The following TANGO2 variants were observed in gnomAD, a reference collection of about 807,000 sequenced individuals.
The protein encoded by TANGO2 is transport and golgi organization 2 homolog.
A neutral mutation model predicts 39.1 loss-of-function variants in TANGO2; 26 were observed. That is an observed-to-expected ratio of 0.67 (90% confidence interval 0.49 to 0.92). The LOEUF (loss-of-function observed/expected upper bound fraction) is 0.92, where lower values mean the gene tolerates loss of function less well. Among genes scored for constraint, TANGO2 ranks in the 40% least tolerant of loss-of-function variants. The pLI is 0.00. For synonymous variants in TANGO2, 131 were observed against 144.5 expected, an observed-to-expected ratio of 0.91 and a Z score of 0.67; for missense variants, 326 against 360.1, an observed-to-expected ratio of 0.91 and a Z score of 0.77.
intron 1 of TANGO2, among the ~76,000 whole-genome samples, chr22:20,029,234 G>A (rs1375252899): frequency 6.6e-6 from 1 of 152,222 alleles, no homozygotes; most frequent in Non-Finnish European, 1.5e-5. Flanking sequence ...GAAGCCAGGG[G>A]AGGAGCCCTA....
chr22:20,030,088 G>A (rs893466260), intron 1 of TANGO2, among the ~76,000 whole-genome samples: 1 of 151,098 alleles, frequency 6.6e-6, no homozygotes, highest in African/African-American at 2.4e-5. Flanking sequence ...ACACTCCAGC[G>A]CATTTCCTTC....
chr22:20,061,943 G>A (rs1278515137), intron 7 of TANGO2: 7 of 473,802 alleles, frequency 1.5e-5, no homozygotes, highest in East Asian at 3.7e-5. Context: ...CCAGAGGCTT[G>A]ATGCAGCCAC....
intron 1 of TANGO2, among the ~76,000 whole-genome samples, chr22:20,033,587 G>A (rs1404173349): frequency 6.6e-6 from 1 of 152,186 alleles, no homozygotes; most frequent in East Asian, 1.9e-4. Context: ...GCAGGCCTTG[G>A]GCAGCCCTGG....
At chr22:20,047,244 T>TTTTTTG (rs2045410562) in intron 3 of TANGO2, among the ~76,000 whole-genome samples, 1 of 150,952 alleles carries the variant, frequency 6.6e-6, no homozygotes. Context: ...TTTTTTTTTT[T>TTTTTTG]TTTTTTGAGA....
At chr22:20,053,658 A>G (rs991787254) in intron 5 of TANGO2, 107 bp downstream of exon 5, 15 of 755,916 alleles carry the variant, frequency 2.0e-5, no homozygotes, top group Non-Finnish European at 3.1e-5. Context: ...CAGCCTCTCC[A>G]GGGACGTTGC....
intron 8 of TANGO2, 131 bp from the exon 9 acceptor site, chr22:20,064,411 G>C: frequency 1.7e-6 from 2 of 1,154,864 alleles, no homozygotes; most frequent in Non-Finnish European, 2.5e-6. Flanking sequence ...GCTGCTCTCT[G>C]TGACTTGGCA....
At chr22:20,054,050 G>A (rs1434376954) in intron 5 of TANGO2, 20 of 293,062 alleles carry the variant, frequency 6.8e-5, no homozygotes, top group Non-Finnish European at 8.7e-5. Context: ...CTGTTAGTCC[G>A]GGGCCTTCTG....
chr22:20,024,541 C>A (rs186666055), intron 1 of TANGO2, among the ~76,000 whole-genome samples: 1 of 152,202 alleles, frequency 6.6e-6, no homozygotes, highest in Admixed American at 6.5e-5. Flanking sequence ...ATTGGGCGCC[C>A]GGCTGCTCAG....
At chr22:20,018,190 C>T (rs995595300), upstream of TANGO2, among the ~76,000 whole-genome samples, 2 of 152,258 alleles carry the variant, frequency 1.3e-5, no homozygotes, top group Non-Finnish European at 2.9e-5. Context: ...AGCTGCCTTT[C>T]AGAGCCAGGC....
chr22:20,037,485 C>G (rs1430075367), intron 2 of TANGO2, among the ~76,000 whole-genome samples: 1 of 152,156 alleles, frequency 6.6e-6, no homozygotes, highest in Admixed American at 6.5e-5. Flanking sequence ...AATGCAACTG[C>G]TCGGGAAGTT....
At chr22:20,049,237 G>A (rs1318970157) in intron 3 of TANGO2, among the ~76,000 whole-genome samples, 4 of 152,096 alleles carry the variant, frequency 2.6e-5, no homozygotes, top group Non-Finnish European at 5.9e-5. Context: ...CATTACTATG[G>A]CAACTTGGTT....
intron 3 of TANGO2, among the ~76,000 whole-genome samples, chr22:20,043,823 G>A (rs908039547): frequency 3.3e-5 from 5 of 152,164 alleles, no homozygotes; most frequent in South Asian, 2.1e-4. Flanking sequence ...GTATGCGTGC[G>A]TGTGTGTGCC....
At chr22:20,053,628 G>A (rs762928671) in intron 5 of TANGO2, 77 bp downstream of exon 5, 5 of 947,612 alleles carry the variant, frequency 5.3e-6, no homozygotes, top group African/African-American at 4.8e-5. Flanking sequence ...CAGGAAGTGG[G>A]GTTCCACTGG....
chr22:20,029,801 A>T (rs1001358254), intron 1 of TANGO2, among the ~76,000 whole-genome samples: 1 of 152,208 alleles, frequency 6.6e-6, no homozygotes, highest in African/African-American at 2.4e-5. Flanking sequence ...GAGGCTGTGC[A>T]TGTCCCCTGG....
At chr22:20,032,365 G>A (rs566295967) in intron 1 of TANGO2, among the ~76,000 whole-genome samples, 5 of 152,380 alleles carry the variant, frequency 3.3e-5, no homozygotes, top group East Asian at 1.9e-4. Flanking sequence ...TGGGGCAGGC[G>A]GGGTCCTGTG....
At chr22:20,026,093 T>C (rs1340162672) in intron 1 of TANGO2, among the ~76,000 whole-genome samples, 3 of 152,160 alleles carry the variant, frequency 2.0e-5, no homozygotes, top group African/African-American at 7.2e-5. Flanking sequence ...AGGCAGACAG[T>C]GGGCAGATCC....
chr22:20,042,286 C>T (rs1044872649), intron 2 of TANGO2, among the ~76,000 whole-genome samples: 1 of 152,126 alleles, frequency 6.6e-6, no homozygotes, highest in Admixed American at 6.6e-5. Context: ...TGTGCCTGGC[C>T]CAGCCATCGC....
At chr22:20,027,372 G>A (rs761250074) in intron 1 of TANGO2, among the ~76,000 whole-genome samples, 19 of 152,186 alleles carry the variant, frequency 1.2e-4, no homozygotes, top group Non-Finnish European at 1.8e-4. Flanking sequence ...AGGGATGGTC[G>A]CTTGATGGGA....
chr22:20,025,315 ACTC>A (rs1046338150), intron 1 of TANGO2, among the ~76,000 whole-genome samples: 1 of 150,340 alleles, frequency 6.7e-6, no homozygotes, highest in Non-Finnish European at 1.5e-5. Flanking sequence ...CTGGTCTTGA[ACTC>A]CTGACCTCAG....
Sources: gnomAD v4.1 joint callset for allele counts (sites outside exome capture counted in the v4.1 genomes callset) on GRCh38, gnomAD v4.1.1 for gene constraint, MANE v1.5 for transcripts, NCBI Gene and HGNC (gene_info 2026-07-23, HGNC 2026-07-21) for gene names.